The following MRTFB variants were observed in gnomAD, a reference collection of about 807,000 sequenced individuals.
MRTFB encodes the protein myocardin related transcription factor B.
In MRTFB, 29 loss-of-function variants were observed where a neutral mutation model predicts 104.2. That is an observed-to-expected ratio of 0.28 (90% CI 0.21 to 0.38). MRTFB has a LOEUF of 0.38. Among genes scored for constraint, MRTFB ranks in the 10% least tolerant of loss-of-function variants. The probability of loss-of-function intolerance (pLI) is 1.00; values close to 1 mark genes in which losing one functional copy is unlikely to be tolerated. For missense variants in MRTFB, 1,270 were observed against 1,341.6 expected, an observed-to-expected ratio of 0.95 and a Z score of 0.83; for synonymous variants, 535 against 519.5, an observed-to-expected ratio of 1.03 and a Z score of -0.41.
At chr16:14,117,428 C>T (rs1158185163) in intron 2 of MRTFB, among the ~76,000 whole-genome samples, 3 of 152,238 alleles carry the variant, frequency 2.0e-5, no homozygotes, top group Admixed American at 2.0e-4. Context: ...GGTCCCATAG[C>T]ATCTATTCTT....
At chr16:14,012,859 A>C in the MRTFB span, among the ~76,000 whole-genome samples, 11 of 152,280 alleles carry the variant, frequency 7.2e-5, no homozygotes, top group African/African-American at 2.4e-4. Flanking sequence ...ATGAGAAGGC[A>C]AACCGCCTGT....
chr16:14,095,319 C>T (rs893127012), intron 2 of MRTFB, among the ~76,000 whole-genome samples: 1 of 152,188 alleles, frequency 6.6e-6, no homozygotes, highest in African/African-American at 2.4e-5. Flanking sequence ...ACTTGGGAGA[C>T]TCCCTTGTAG....
chr16:14,012,766 C>T, the MRTFB span, among the ~76,000 whole-genome samples: 3 of 152,064 alleles, frequency 2.0e-5, no homozygotes, highest in African/African-American at 4.8e-5. Context: ...CTCAGGGCTG[C>T]CTGAGTCCAA....
the MRTFB span, among the ~76,000 whole-genome samples, chr16:14,040,904 A>G: frequency 2.0e-5 from 3 of 152,220 alleles, no homozygotes; most frequent in Non-Finnish European, 2.9e-5. Flanking sequence ...ACTTGAACCC[A>G]GGAGTTCGAG....
the MRTFB span, among the ~76,000 whole-genome samples, chr16:14,059,792 G>C: frequency 7.9e-5 from 12 of 152,142 alleles, no homozygotes; most frequent in East Asian, 7.7e-4. Flanking sequence ...TAGAAGATAG[G>C]GTCCAAGGTG....
intron 2 of MRTFB, among the ~76,000 whole-genome samples, chr16:14,125,147 C>T (rs1016331316): frequency 6.6e-6 from 1 of 152,210 alleles, no homozygotes; most frequent in Non-Finnish European, 1.5e-5. Flanking sequence ...TGATTGCTTG[C>T]TGTCCGGTGT....
chr16:14,249,579 G>T (rs1336886372), intron 13 of MRTFB, among the ~76,000 whole-genome samples: 1 of 152,160 alleles, frequency 6.6e-6, no homozygotes, highest in Non-Finnish European at 1.5e-5. Context: ...TTGCCTAGGT[G>T]TTTGGCCTCA....
At chr16:14,152,558 T>A (rs1046220244) in intron 3 of MRTFB, 15 of 152,214 alleles carry the variant, frequency 9.9e-5, no homozygotes, top group African/African-American at 2.9e-4. Flanking sequence ...TTTCTTTTTT[T>A]AAAAAGAAGA....
At position 14,245,607 on chromosome 16, in the gene MRTFB, T is replaced by A. The variant is rs1165411742; in HGVS notation, c.1159T>A (p.Ser387Thr). The change falls in exon 11 of 17, where the codon TCT (serine) becomes ACT (threonine). Residue 387 changes from serine to threonine, a missense_variant. Ser to Thr is a moderately conservative substitution (Grantham distance 58, BLOSUM62 1). Transcript: ENST00000571589. ...ACCTAACACACCAAGACAGAATACA[T>A]CTACTCCTGTGAGAAAGCCAGGACC... ...ATPNTPRQNT[S>T]TPVRKPGPLP... is the part of the protein sequence containing the mutation. 6.2e-7 allele frequency: 1 copy of A among 1,614,058 alleles called. No individual in the cohort carries two copies. Among genetic ancestry groups the A allele is most frequent in the Admixed American group, 1.7e-5 (1 of 60,006 alleles).
At chr16:14,045,174 C>T in the MRTFB span, among the ~76,000 whole-genome samples, 1 of 152,182 alleles carries the variant, frequency 6.6e-6, no homozygotes, top group Non-Finnish European at 1.5e-5. Context: ...CTACCTGGAA[C>T]ATTCTGGAAA....
intron 2 of MRTFB, among the ~76,000 whole-genome samples, chr16:14,097,591 G>A (rs2035456962): frequency 6.6e-6 from 1 of 152,108 alleles, no homozygotes; most frequent in African/African-American, 2.4e-5. Context: ...GGTATAATTG[G>A]CATCCAGTAA....
chr16:14,191,480 A>T (rs1424089684), intron 3 of MRTFB, among the ~76,000 whole-genome samples: 3 of 152,122 alleles, frequency 2.0e-5, no homozygotes, highest in South Asian at 4.1e-4. Flanking sequence ...ATGGCATTTC[A>T]CCTTATGCTA....
the MRTFB span, among the ~76,000 whole-genome samples, chr16:14,026,097 GT>G: frequency 2.6e-5 from 4 of 152,100 alleles, no homozygotes; most frequent in Admixed American, 2.6e-4. Flanking sequence ...CCCACTAGTG[GT>G]TTTTTTGTAG....
At chr16:14,034,480 G>A in the MRTFB span, among the ~76,000 whole-genome samples, 4 of 152,156 alleles carry the variant, frequency 2.6e-5, no homozygotes, top group Non-Finnish European at 5.9e-5. Context: ...CAGGCGTGGT[G>A]GTGGGCACCT....
chr16:14,104,634 A>C (rs2035876230), intron 2 of MRTFB, among the ~76,000 whole-genome samples: 1 of 152,218 alleles, frequency 6.6e-6, no homozygotes, highest in African/African-American at 2.4e-5. Context: ...CAAACAAAAA[A>C]ATGAGAATTG....
At chr16:14,075,218 G>T (rs932300584) in intron 1 of MRTFB, among the ~76,000 whole-genome samples, 4 of 152,216 alleles carry the variant, frequency 2.6e-5, no homozygotes, top group African/African-American at 9.6e-5. Flanking sequence ...ACCTGTGTAA[G>T]GACTTTTTCT....
At chr16:14,188,439 AC>A (rs2040038188) in intron 3 of MRTFB, among the ~76,000 whole-genome samples, 2 of 151,628 alleles carry the variant, frequency 1.3e-5, no homozygotes, top group Admixed American at 1.3e-4. Context: ...AAAAGATGTC[AC>A]AACAGCAATG....
intron 3 of MRTFB, among the ~76,000 whole-genome samples, chr16:14,163,718 G>T (rs768060390): frequency 6.6e-6 from 1 of 151,568 alleles, no homozygotes; most frequent in South Asian, 2.1e-4. Context: ...CTGTAATCCC[G>T]GCTATTTGGG....
At chr16:14,082,860 A>T (rs1364681991) in intron 2 of MRTFB, among the ~76,000 whole-genome samples, 1 of 152,182 alleles carries the variant, frequency 6.6e-6, no homozygotes, top group Admixed American at 6.5e-5. Context: ...TGGTAGTTCC[A>T]TACAAACTTC....
Sources: allele counts gnomAD v4.1 joint callset (sites outside exome capture counted in the v4.1 genomes callset), GRCh38; gene constraint gnomAD v4.1.1; transcripts MANE v1.5; gene names NCBI Gene and HGNC (gene_info 2026-07-23, HGNC 2026-07-21).